Variants in PDE7A observed in about 807,000 individuals in gnomAD.
PDE7A encodes phosphodiesterase 7A.
In PDE7A, 39 loss-of-function variants were observed where a neutral mutation model predicts 64.3. The observed-to-expected ratio is 0.61, with a 90% CI of 0.47 to 0.79. The LOEUF (loss-of-function observed/expected upper bound fraction) is 0.79. Among genes scored for constraint, PDE7A ranks in the 30% least tolerant of loss-of-function variants. The probability of loss-of-function intolerance (pLI) is 0.00; values close to 1 mark genes in which losing one functional copy is unlikely to be tolerated. For missense variants in PDE7A, 470 were observed against 582.8 expected, an observed-to-expected ratio of 0.81 and a Z score of 1.99; for synonymous variants, 203 against 206.8, an observed-to-expected ratio of 0.98 and a Z score of 0.16.
intron 1 of PDE7A, among the ~76,000 whole-genome samples, chr8:65,812,671 CTTAT>C (rs1810284085): frequency 6.6e-6 from 1 of 152,058 alleles, no homozygotes; most frequent in Non-Finnish European, 1.5e-5. Flanking sequence ...GTAATAAAAC[CTTAT>C]TTTTCTTATA....
intron 1 of PDE7A, among the ~76,000 whole-genome samples, chr8:65,840,403 C>T (rs905752784): frequency 9.1e-6 from 1 of 109,698 alleles, no homozygotes; most frequent in Non-Finnish European, 1.8e-5. Context: ...TACCTGCACA[C>T]ACACACACAC....
At chr8:65,734,714 A>G in intron 7 of PDE7A, 80 bp downstream of exon 7, 2 of 781,750 alleles carry the variant, frequency 2.6e-6, no homozygotes, top group Non-Finnish European at 4.5e-6. Flanking sequence ...TCAAAGCAGT[A>G]ACTTCAGGAG....
At chr8:65,755,322 A>G (rs932257852) in intron 3 of PDE7A, among the ~76,000 whole-genome samples, 1 of 152,066 alleles carries the variant, frequency 6.6e-6, no homozygotes, top group African/African-American at 2.4e-5. Context: ...TGCCCGGCCC[A>G]TTATTGCCTT....
intron 1 of PDE7A, among the ~76,000 whole-genome samples, chr8:65,822,835 C>A (rs929588617): frequency 6.6e-6 from 1 of 152,280 alleles, no homozygotes; most frequent in Non-Finnish European, 1.5e-5. Context: ...CAGGCTCCCC[C>A]ACTCCCATTT....
At chr8:65,809,868 G>A (rs1810208352) in intron 1 of PDE7A, among the ~76,000 whole-genome samples, 4 of 152,202 alleles carry the variant, frequency 2.6e-5, no homozygotes. Flanking sequence ...AGAGGATGTG[G>A]AGAAATAGGA....
At chr8:65,746,906 C>T (rs780242392) in intron 4 of PDE7A, among the ~76,000 whole-genome samples, 2 of 152,162 alleles carry the variant, frequency 1.3e-5, no homozygotes, top group Non-Finnish European at 2.9e-5. Flanking sequence ...CTTATCTACA[C>T]AAACTCAAGA....
At chr8:65,759,899 G>A (rs189661444) in intron 3 of PDE7A, among the ~76,000 whole-genome samples, 27 of 152,028 alleles carry the variant, frequency 1.8e-4, no homozygotes, top group Admixed American at 4.6e-4. Flanking sequence ...GTATATATAC[G>A]TATAATTTTT....
intron 1 of PDE7A, among the ~76,000 whole-genome samples, chr8:65,808,381 T>C (rs1810160045): frequency 6.6e-6 from 1 of 152,202 alleles, no homozygotes; most frequent in African/African-American, 2.4e-5. Context: ...TATCTGGGTT[T>C]CTAATAAGAC....
intron 1 of PDE7A, among the ~76,000 whole-genome samples, chr8:65,792,041 A>G (rs1809716243): frequency 6.6e-6 from 1 of 152,172 alleles, no homozygotes; most frequent in Non-Finnish European, 1.5e-5. Flanking sequence ...TATAACTTAG[A>G]TAATTCTCCT....
chr8:65,827,801 C>T (rs1810714802), intron 1 of PDE7A, among the ~76,000 whole-genome samples: 1 of 152,156 alleles, frequency 6.6e-6, no homozygotes, highest in African/African-American at 2.4e-5. Flanking sequence ...GTAGGCTATG[C>T]TATCTAGATT....
chr8:65,841,346 G>A (rs1471014332), intron 1 of PDE7A, 25 bp downstream of exon 1: 9 of 1,515,110 alleles, frequency 5.9e-6, no homozygotes, highest in Non-Finnish European at 7.9e-6. Context: ...AAGCCCTCAA[G>A]TGTGGGCCCG....
At chr8:65,832,645 T>C (rs948529736) in intron 1 of PDE7A, among the ~76,000 whole-genome samples, 33 of 152,040 alleles carry the variant, frequency 2.2e-4, no homozygotes, top group African/African-American at 8.0e-4. Context: ...TCACCATGCC[T>C]GGCTAATTTT....
At chr8:65,789,719 T>C (rs1167223075) in intron 1 of PDE7A, among the ~76,000 whole-genome samples, 2 of 152,226 alleles carry the variant, frequency 1.3e-5, no homozygotes, top group Non-Finnish European at 2.9e-5. Context: ...TATTCATCCA[T>C]CTTCATAACC....
rs545715274 is a variant in PDE7A at position 65,772,931 on chromosome 8, C to T, written c.283+6789G>A. ...GCTGAGGTGGGAGAATCACTTGAAC[C>T]TGGGAGACGGAGGCTGCAGTGAGCT... On this transcript the variant is annotated intron_variant, in intron 3 of 12. Transcript: ENST00000401827. Among the ~76,000 whole-genome samples, 4 of 152,226 alleles carry T rather than the reference C, an allele frequency of 2.6e-5. No homozygotes were observed. The South Asian group carries it at 8.3e-4, about 32-fold the overall frequency.
chr8:65,780,590 C>A (rs986561566), intron 2 of PDE7A, among the ~76,000 whole-genome samples: 2 of 152,078 alleles, frequency 1.3e-5, no homozygotes, highest in Non-Finnish European at 2.9e-5. Flanking sequence ...CTTCTCTCAT[C>A]GACCCTCAGA....
At position 65,717,376 on chromosome 8, in the gene PDE7A, A is replaced by G. The variant is rs1268899339; in HGVS notation, c.*1914T>C. On this transcript the variant is annotated 3_prime_UTR_variant, in exon 13 of 13. Transcript: ENST00000401827. ...ATCACTTTAAAAAGGCCAATGATTG[A>G]TAGAAATAAATACAACTAGTATTTT... 1 of 152,224 alleles carries G rather than the reference A, an allele frequency of 6.6e-6. No homozygotes were observed. 9.4% of individuals were successfully genotyped at this position (152,224 alleles called of 1,614,324 possible).
At chr8:65,836,655 T>C (rs1015237689) in intron 1 of PDE7A, among the ~76,000 whole-genome samples, 2 of 152,218 alleles carry the variant, frequency 1.3e-5, no homozygotes, top group East Asian at 3.8e-4. Flanking sequence ...GTGTTGCTCA[T>C]AGATTAACAT....
chr8:65,818,643 C>T (rs1810470807), intron 1 of PDE7A, among the ~76,000 whole-genome samples: 1 of 152,168 alleles, frequency 6.6e-6, no homozygotes, highest in African/African-American at 2.4e-5. Context: ...CTGAGTTGAA[C>T]TTCCCAAAGA....
chr8:65,793,208 C>T (rs1002246274), intron 1 of PDE7A, among the ~76,000 whole-genome samples: 2 of 152,262 alleles, frequency 1.3e-5, no homozygotes, highest in South Asian at 4.1e-4. Context: ...CCCAATTCTT[C>T]AAACTAGTGG....
Sources: gnomAD v4.1 joint callset for allele counts (sites outside exome capture counted in the v4.1 genomes callset) on GRCh38, gnomAD v4.1.1 for gene constraint, MANE v1.5 for transcripts, NCBI Gene and HGNC (gene_info 2026-07-23, HGNC 2026-07-21) for gene names.